OSBPL6: variants seen among roughly 807,000 people sequenced by gnomAD.
OSBPL6 encodes the protein oxysterol binding protein like 6.
OSBPL6 carries 49 observed loss-of-function variants against 125.8 expected under a neutral mutation model. That is an observed-to-expected ratio of 0.39 (90% CI 0.31 to 0.49). The LOEUF (loss-of-function observed/expected upper bound fraction) is 0.49. OSBPL6 is among the 20% of genes least tolerant of loss of function. The probability of loss-of-function intolerance (pLI) is 0.88; values close to 1 mark genes in which losing one functional copy is unlikely to be tolerated. For missense variants in OSBPL6, 986 were observed against 1,135.4 expected (o/e 0.87, Z 1.89); for synonymous variants, 394 against 391.8 (o/e 1.01, Z -0.07).
rs557762488 is a variant in OSBPL6, at chr2:178,281,849, G to A, written c.-350-3078G>A. Among the ~76,000 whole-genome samples the A allele has an allele frequency of 2.0e-5, 3 of 152,232 alleles. No homozygotes were observed. In the South Asian group the frequency reaches 6.2e-4, roughly 32 times the overall value. On this transcript the variant is annotated intron_variant, in intron 1 of 24. Coordinates refer to ENST00000190611, the MANE Select transcript of OSBPL6 (RefSeq NM_032523.4). ...ATCAGGAGAAATAGCTAATGCATGT[G>A]GGGCTTCATACCTAGGTGACGGGTT...
intron 22 of OSBPL6, 79 bp downstream of exon 22, chr2:178,391,296 G>T: frequency 2.8e-6 from 4 of 1,403,536 alleles, no homozygotes; most frequent in Non-Finnish European, 3.8e-6. Context: ...GTCATCTTAT[G>T]CAACTCACAT....
At chr2:178,359,707 T>C (rs1169606656) in intron 12 of OSBPL6, among the ~76,000 whole-genome samples, 1 of 152,120 alleles carries the variant, frequency 6.6e-6, no homozygotes, top group Non-Finnish European at 1.5e-5. Flanking sequence ...ACATACACAA[T>C]GGAGTATTAT....
At chr2:178,342,460 G>A (rs1276933522) in intron 11 of OSBPL6, among the ~76,000 whole-genome samples, 2 of 152,140 alleles carry the variant, frequency 1.3e-5, no homozygotes, top group African/African-American at 4.8e-5. Flanking sequence ...TCTTGTGTAG[G>A]TTAGATTGTG....
intron 9 of OSBPL6, among the ~76,000 whole-genome samples, chr2:178,337,710 C>T (rs754353219): frequency 3.5e-4 from 53 of 152,172 alleles, no homozygotes; most frequent in South Asian, 2.1e-4. Context: ...TGTCTCCTTA[C>T]GCTTAGTTTT....
At position 178,284,931 on chromosome 2, in the gene OSBPL6, T is replaced by G. The variant is rs1684562133; in HGVS notation, c.-346T>G. 1 of 397,934 alleles carries G rather than the reference T, an allele frequency of 2.5e-6. No homozygotes were observed. The highest frequency in any genetic ancestry group is 4.4e-5 in the Admixed American group (1 of 22,702). 24.7% of individuals were successfully genotyped at this position (397,934 alleles called of 1,614,324 possible). Reference sequence around the variant, plus strand: ...ACTGTAATCTCTCTTTTTCAGGTTCTGCCACTTGCTGGGAAAACAGCAACA... The same window carrying G: ...ACTGTAATCTCTCTTTTTCAGGTTCGGCCACTTGCTGGGAAAACAGCAACA... On this transcript the variant is annotated 5_prime_UTR_variant, in exon 2 of 25. Transcript: ENST00000190611.
intron 1 of OSBPL6, among the ~76,000 whole-genome samples, chr2:178,217,946 C>T (rs1559126899): frequency 6.6e-6 from 1 of 152,166 alleles, no homozygotes. Context: ...CTTCCGTGTC[C>T]TCACTATCTG....
chr2:178,324,414 A>G (rs1574869865), intron 4 of OSBPL6, 145 bp downstream of exon 4: 2 of 540,360 alleles, frequency 3.7e-6, no homozygotes, highest in East Asian at 5.7e-5. Flanking sequence ...TCTGCTTCCA[A>G]GGAGTAGAGT....
intron 3 of OSBPL6, among the ~76,000 whole-genome samples, chr2:178,316,231 T>C (rs1687724534): frequency 2.6e-5 from 4 of 152,328 alleles, no homozygotes; most frequent in Admixed American, 2.6e-4. Flanking sequence ...TTTAGCTTTT[T>C]TGGAGTGAAA....
chr2:178,220,311 C>G (rs934269248), intron 1 of OSBPL6, among the ~76,000 whole-genome samples: 1 of 151,958 alleles, frequency 6.6e-6, no homozygotes, highest in African/African-American at 2.4e-5. Context: ...GCTGGGGAGG[C>G]GGGTGGACAG....
At chr2:178,345,227 A>G (rs1690587823) in intron 11 of OSBPL6, among the ~76,000 whole-genome samples, 1 of 152,242 alleles carries the variant, frequency 6.6e-6, no homozygotes, top group Non-Finnish European at 1.5e-5. Context: ...TTTGGCTATT[A>G]GATAATATTT....
At chr2:178,227,164 G>A (rs1300733663) in intron 1 of OSBPL6, among the ~76,000 whole-genome samples, 4 of 152,152 alleles carry the variant, frequency 2.6e-5, no homozygotes, top group African/African-American at 4.8e-5. Flanking sequence ...GTATTTTACA[G>A]TTACAAAAAA....
At chr2:178,231,066 G>A (rs58987268) in intron 1 of OSBPL6, among the ~76,000 whole-genome samples, 2,255 of 152,116 alleles carry the variant, frequency 0.015, 59 homozygotes, top group African/African-American at 0.051. Context: ...AAGTTTACCA[G>A]GCAGAAGAAA....
chr2:178,265,662 G>A (rs936360983), intron 1 of OSBPL6, among the ~76,000 whole-genome samples: 5 of 152,140 alleles, frequency 3.3e-5, no homozygotes, highest in African/African-American at 1.2e-4. Context: ...GCAGCCTTTT[G>A]GTGGGGAGTC....
chr2:178,349,823 C>T (rs1691076639), intron 12 of OSBPL6, among the ~76,000 whole-genome samples: 2 of 152,214 alleles, frequency 1.3e-5, no homozygotes, highest in Non-Finnish European at 2.9e-5. Flanking sequence ...AGCAAAGCCT[C>T]TGTGCCAGAT....
chr2:178,395,723 G>A lies in OSBPL6; in HGVS notation c.*164G>A. The stretch of plus-strand genomic sequence containing the variant: ...GACTTTCAGAAGTGCATTAGACAAG[G>A]CCCCTAACCACTTTGGGATCCTTTC... On this transcript the variant is annotated 3_prime_UTR_variant, in exon 25 of 25. Transcript: ENST00000190611. 1 of 511,050 alleles carries A rather than the reference G, an allele frequency of 2.0e-6. No homozygotes were observed. Among genetic ancestry groups the A allele is most frequent in the South Asian group, 1.7e-5 (1 of 57,230 alleles). The allele number at this position is 511,050 out of a possible 1,614,324, so 31.7% of individuals were successfully genotyped here.
intron 2 of OSBPL6, among the ~76,000 whole-genome samples, chr2:178,292,864 A>G (rs1221867854): frequency 1.3e-5 from 2 of 152,186 alleles, no homozygotes; most frequent in African/African-American, 2.4e-5. Flanking sequence ...GTGTGTGCCT[A>G]TTCTGAGGTA....
chr2:178,370,814 A>C (rs1302247637), intron 13 of OSBPL6, among the ~76,000 whole-genome samples: 1 of 152,240 alleles, frequency 6.6e-6, no homozygotes, highest in Non-Finnish European at 1.5e-5. Context: ...TAACAGCTTC[A>C]AACAAAATCC....
intron 1 of OSBPL6, among the ~76,000 whole-genome samples, chr2:178,235,492 T>G (rs2091021406): frequency 6.9e-6 from 1 of 144,788 alleles, no homozygotes; most frequent in African/African-American, 2.5e-5. Context: ...CTGCAACCTC[T>G]GCCTCCTGGG....
intron 1 of OSBPL6, among the ~76,000 whole-genome samples, chr2:178,210,338 TAAAA>T (rs1017063159): frequency 6.9e-6 from 1 of 143,932 alleles, no homozygotes. Context: ...ATTTGACAGT[TAAAA>T]AAAATCCAAC....
Sources: allele counts gnomAD v4.1 joint callset (sites outside exome capture counted in the v4.1 genomes callset), GRCh38; gene constraint gnomAD v4.1.1; transcripts MANE v1.5; gene names NCBI Gene and HGNC (gene_info 2026-07-23, HGNC 2026-07-21).